The following DNAAF5 variants were observed in gnomAD, a reference collection of about 807,000 sequenced individuals.
DNAAF5 encodes HEAT repeat containing 2.
DNAAF5 carries 64 observed loss-of-function variants against 75.8 expected under a neutral mutation model. The observed-to-expected ratio is 0.84, with a 90% confidence interval of 0.69 to 1.04. The LOEUF is 1.04. Among genes scored for constraint, DNAAF5 ranks in the 50% least tolerant of loss-of-function variants. The pLI, the probability that DNAAF5 is intolerant of heterozygous loss-of-function variation, is 0.00. For synonymous variants in DNAAF5, 657 were observed against 557.2 expected (o/e 1.18, Z -2.52); for missense variants, 1,269 against 1,178.5 (o/e 1.08, Z -1.12).
Position 763,971 on chromosome 7 carries a change from T to G in DNAAF5, c.1780T>G (p.Ser594Ala). Residue 594 changes from serine (S) to alanine (A), a missense_variant, in exon 8 of 13, where the codon TCA becomes GCA. Physicochemically the swap from Ser to Ala is moderately conservative, Grantham distance 99 (BLOSUM62 1). Transcript: ENST00000297440. The part of the protein sequence containing the change: ...LLQFSVIVAQ[S>A]GPALGEALPH... ...GCAGTTCAGTGTCATCGTCGCACAG[T>G]CAGGTGAGCCGTCCCGACAGCTGGC... 1 of 1,602,790 alleles carries G rather than the reference T, an allele frequency of 6.2e-7. No homozygotes were observed. Among genetic ancestry groups the G allele is most frequent in the Non-Finnish European group, 8.5e-7 (1 of 1,179,920 alleles).
chr7:730,881 G>A (rs1164364627), intron 2 of DNAAF5, among the ~76,000 whole-genome samples: 1 of 152,222 alleles, frequency 6.6e-6, no homozygotes, highest in Non-Finnish European at 1.5e-5. Flanking sequence ...CCTGGAGCTG[G>A]CGTGGGTTCG....
intron 6 of DNAAF5, among the ~76,000 whole-genome samples, chr7:757,312 A>AGT (rs72557545): frequency 1.9e-5 from 1 of 51,916 alleles, no homozygotes; most frequent in Admixed American, 2.0e-4. Flanking sequence ...TCTTGGCCAC[A>AGT]CACCACAGTT....
At chr7:741,077 G>C (rs1268277508) in intron 3 of DNAAF5, 134 bp downstream of exon 3, 1 of 1,093,304 alleles carries the variant, frequency 9.1e-7, no homozygotes, top group Non-Finnish European at 1.3e-6. Flanking sequence ...GGGATGTGCC[G>C]TACAGAAGTC....
At chr7:777,136 C>G (rs529904986) in intron 11 of DNAAF5, among the ~76,000 whole-genome samples, 2 of 152,184 alleles carry the variant, frequency 1.3e-5, no homozygotes, top group East Asian at 1.9e-4. Flanking sequence ...GTAGAATTAT[C>G]TCATTATATG....
intron 7 of DNAAF5, among the ~76,000 whole-genome samples, chr7:763,222 A>T (rs1446976947): frequency 1.3e-5 from 2 of 152,080 alleles, no homozygotes; most frequent in African/African-American, 4.8e-5. Context: ...AGCAAAAGCA[A>T]AGTCTTTGCC....
At chr7:768,137 C>T (rs987579933) in intron 8 of DNAAF5, among the ~76,000 whole-genome samples, 9 of 102,960 alleles carry the variant, frequency 8.7e-5, no homozygotes, top group African/African-American at 3.8e-4. Context: ...AGTGTCCATG[C>T]TGCGAGCGCT....
intron 5 of DNAAF5, among the ~76,000 whole-genome samples, 189 bp from the exon 6 acceptor site, chr7:756,593 G>A (rs189797536): frequency 5.1e-4 from 78 of 152,286 alleles, no homozygotes; most frequent in East Asian, 3.5e-3. Flanking sequence ...CCTCAGGGAC[G>A]TTCTGAGACC....
At chr7:762,306 T>G (rs1427176857) in intron 7 of DNAAF5, among the ~76,000 whole-genome samples, 2 of 152,026 alleles carry the variant, frequency 1.3e-5, no homozygotes, top group Non-Finnish European at 2.9e-5. Flanking sequence ...ACCAACATGG[T>G]GAAACCCCGT....
At chr7:762,773 C>A (rs1782704056) in intron 7 of DNAAF5, among the ~76,000 whole-genome samples, 1 of 151,932 alleles carries the variant, frequency 6.6e-6, no homozygotes, top group African/African-American at 2.4e-5. Flanking sequence ...ACCACCATAC[C>A]CGGCTAATTT....
chr7:767,020 C>G (rs1207295885), intron 8 of DNAAF5, among the ~76,000 whole-genome samples: 1 of 151,620 alleles, frequency 6.6e-6, no homozygotes, highest in Admixed American at 6.6e-5. Flanking sequence ...CAGGCAGATC[C>G]CGATGTCAGG....
chr7:745,645 A>G (rs1049434206), intron 4 of DNAAF5, among the ~76,000 whole-genome samples: 2 of 150,878 alleles, frequency 1.3e-5, no homozygotes, highest in South Asian at 2.1e-4. Context: ...ATATCCTCAC[A>G]CACGTACACA....
intron 12 of DNAAF5, among the ~76,000 whole-genome samples, chr7:781,154 A>T (rs896183788): frequency 6.6e-6 from 1 of 152,136 alleles, no homozygotes; most frequent in Non-Finnish European, 1.5e-5. Flanking sequence ...GTACTCATTA[A>T]CCATCCCCAC....
chr7:737,117 A>G (rs1239659054), intron 2 of DNAAF5, among the ~76,000 whole-genome samples: 1 of 151,768 alleles, frequency 6.6e-6, no homozygotes, highest in Non-Finnish European at 1.5e-5. Context: ...TATTTTTGAG[A>G]TGGAGTCTCA....
chr7:754,290 A>C lies in DNAAF5; in HGVS notation c.1025-299A>C, dbSNP rs73258224. 4.5e-3 allele frequency among the ~76,000 whole-genome samples: 690 copies of C among 152,180 alleles called. 7 individuals carry two copies. Among genetic ancestry groups the C allele is most frequent in the African/African-American group, 0.016 (657 of 41,516 alleles). On this transcript the variant is annotated intron_variant, in intron 4 of 12. Coordinates refer to ENST00000297440, the MANE Select transcript of DNAAF5 (RefSeq NM_017802.4). The surrounding 1 kb of genome is among the most constrained non-coding windows in gnomAD (Gnocchi z 4.8). ...CAGGCATGCACCACGGCACCTGGCT[A>C]ATCTTCCTGTTTTTTATAGAGATGG...
At chr7:747,728 C>G (rs367839085) in intron 4 of DNAAF5, among the ~76,000 whole-genome samples, 106 of 47,188 alleles carry the variant, frequency 2.2e-3, no homozygotes, top group Admixed American at 2.6e-3. Flanking sequence ...TTGCTGGTTT[C>G]AGCATGTCCG....
At chr7:773,519 GCTGTGGCCCTTGGGTCCCCGGACCGCGC>G (rs374791690) in intron 9 of DNAAF5, among the ~76,000 whole-genome samples, 2,105 of 152,328 alleles carry the variant, frequency 0.014, 47 homozygotes, top group African/African-American at 0.047. Flanking sequence ...GTCTCTCTGA[GCTGTGGCCCTTGGGTCCCCGGACCGCGC>G]CTGTGGCCCT....
chr7:763,076 C>G (rs560443087), intron 7 of DNAAF5, among the ~76,000 whole-genome samples: 16 of 152,216 alleles, frequency 1.1e-4, no homozygotes, highest in Admixed American at 9.2e-4. Flanking sequence ...GGGAGATTTA[C>G]GGCCTGAATG....
intron 9 of DNAAF5, among the ~76,000 whole-genome samples, chr7:773,606 G>T (rs530667352): frequency 2.6e-4 from 40 of 152,338 alleles, no homozygotes; most frequent in East Asian, 1.5e-3. Flanking sequence ...CTGGACAGAG[G>T]GTTCTGTGGC....
intron 2 of DNAAF5, among the ~76,000 whole-genome samples, chr7:739,283 C>T (rs1423465140): frequency 2.0e-5 from 3 of 152,258 alleles, no homozygotes; most frequent in African/African-American, 7.2e-5. Flanking sequence ...ACTGGGTGAG[C>T]TTGGAGTTTG....
Sources: gnomAD v4.1 joint callset for allele counts (sites outside exome capture counted in the v4.1 genomes callset) on GRCh38, gnomAD v4.1.1 for gene constraint, Gnocchi (gnomAD v3.1) non-coding constraint, MANE v1.5 for transcripts, NCBI Gene and HGNC (gene_info 2026-07-23, HGNC 2026-07-21) for gene names.